PEAK1: variants seen among roughly 807,000 people sequenced by gnomAD.
PEAK1 encodes the protein pseudopodium enriched atypical kinase 1.
In PEAK1, 54 loss-of-function variants were observed where a neutral mutation model predicts 124.7. That is an observed-to-expected ratio of 0.43 (90% CI 0.35 to 0.54). PEAK1 has a LOEUF of 0.54. PEAK1 is among the 20% of genes least tolerant of loss of function. The probability of loss-of-function intolerance (pLI) is 0.01; values close to 1 mark genes in which losing one functional copy is unlikely to be tolerated. For synonymous variants in PEAK1, 719 were observed against 760.0 expected, an observed-to-expected ratio of 0.95 and a Z score of 0.89; for missense variants, 2,046 against 2,134.5, an observed-to-expected ratio of 0.96 and a Z score of 0.82.
chr15:77,291,110 T>C (rs907044589), intron 2 of PEAK1, among the ~76,000 whole-genome samples: 2 of 152,234 alleles, frequency 1.3e-5, no homozygotes, highest in African/African-American at 4.8e-5. Context: ...TGGCTTGTCC[T>C]TGACTTTGTA....
At chr15:77,103,490 C>CT (rs1453416311), downstream of PEAK1, 1 of 152,020 alleles carries the variant, frequency 6.6e-6, no homozygotes, top group Non-Finnish European at 1.5e-5. Flanking sequence ...ACAATAAGAT[C>CT]TAATTTTTGT....
chr15:77,301,054 T>C lies in PEAK1; in HGVS notation c.-602-14550A>G, dbSNP rs192623805. ...TTTTAGTAGAGATGGGGTTTTGCCA[T>C]GTTGTCCAGGCTGGTCTTGAACTGC... On this transcript the variant is annotated intron_variant, in intron 2 of 9. Transcript: ENST00000682557. 3.3e-3 allele frequency among the ~76,000 whole-genome samples: 497 copies of C among 152,274 alleles called. 3 individuals carry two copies. Among genetic ancestry groups the C allele is most frequent in the African/African-American group, 0.011 (467 of 41,550 alleles).
At chr15:77,226,594 T>C (rs928862123) in intron 6 of PEAK1, among the ~76,000 whole-genome samples, 6 of 152,048 alleles carry the variant, frequency 3.9e-5, no homozygotes, top group Non-Finnish European at 8.8e-5. Context: ...AAATAAAAAC[T>C]TGGAGGAAAG....
rs181495619 is a variant in PEAK1 at position 77,284,222 on chromosome 15, C to A, written c.-422-192G>T. On this transcript the variant is annotated intron_variant, in intron 4 of 9. Transcript: ENST00000682557. ...AAAGAGCTTTGAAATGTTTACAGTG[C>A]CATACAAATGCGAAGGTCTCAGTCT... is the stretch of plus-strand genomic sequence containing the variant. Among the ~76,000 whole-genome samples the A allele has an allele frequency of 5.6e-3, 856 of 152,260 alleles. 4 individuals are homozygous for A. Among genetic ancestry groups the A allele is most frequent in the Non-Finnish European group, 8.0e-3 (544 of 68,012 alleles).
intron 1 of PEAK1, among the ~76,000 whole-genome samples, chr15:77,389,993 G>A (rs77482541): frequency 0.017 from 2,639 of 152,212 alleles, 68 homozygotes; most frequent in African/African-American, 0.058. Context: ...TACATGCCAC[G>A]TACTATGTTA....
At chr15:77,301,471 A>G (rs1441477396) in intron 2 of PEAK1, among the ~76,000 whole-genome samples, 2 of 152,136 alleles carry the variant, frequency 1.3e-5, no homozygotes, top group Non-Finnish European at 2.9e-5. Flanking sequence ...CTCTTAGGGG[A>G]GCGGGGATCA....
At chr15:77,335,943 T>C in intron 2 of PEAK1, 1 of 985,446 alleles carries the variant, frequency 1.0e-6, no homozygotes. Flanking sequence ...TATCTCTTTC[T>C]GGGAAATCTT....
chr15:77,280,647 T>A (rs928686168), intron 5 of PEAK1, among the ~76,000 whole-genome samples: 2 of 152,046 alleles, frequency 1.3e-5, no homozygotes, highest in Admixed American at 6.6e-5. Flanking sequence ...ATTTTAGAAT[T>A]AACAAGGAAC....
intron 9 of PEAK1, among the ~76,000 whole-genome samples, chr15:77,132,118 T>C (rs1005429847): frequency 7.9e-5 from 12 of 152,024 alleles, no homozygotes; most frequent in Admixed American, 5.9e-4. Context: ...TCTCACTTTG[T>C]TGCCCAGGCT....
At chr15:77,254,890 T>C (rs1457715810) in intron 5 of PEAK1, among the ~76,000 whole-genome samples, 1 of 152,138 alleles carries the variant, frequency 6.6e-6, no homozygotes, top group Admixed American at 6.6e-5. Flanking sequence ...TACAGAAACA[T>C]GGACAAATAA....
At chr15:77,246,232 C>T (rs1228897477) in intron 6 of PEAK1, among the ~76,000 whole-genome samples, 1 of 152,160 alleles carries the variant, frequency 6.6e-6, no homozygotes, top group Non-Finnish European at 1.5e-5. Context: ...TGGTCTTGAT[C>T]TCTTGACCTC....
chr15:77,201,922 C>A (rs1211010690), intron 6 of PEAK1, among the ~76,000 whole-genome samples: 1 of 152,184 alleles, frequency 6.6e-6, no homozygotes, highest in Non-Finnish European at 1.5e-5. Flanking sequence ...CCAACCCTAA[C>A]TGTGTTAGAT....
rs372755283 is a variant in PEAK1, at chr15:77,183,644, C to CA, written c.-114-1605dup. ...TTTGCCTTTTATCAAAAACATTTGC[C>CA]AAAAAAAAAATGACAAGAGAATGAA... On this transcript the variant is annotated intron_variant, in intron 6 of 9. Coordinates refer to ENST00000682557, the MANE Select transcript of PEAK1 (RefSeq NM_001385026.1). 8.4e-3 allele frequency among the ~76,000 whole-genome samples: 1,181 copies of CA among 141,136 alleles called. 15 individuals carry two copies. Among genetic ancestry groups the CA allele is most frequent in the African/African-American group, 0.028 (1,074 of 38,458 alleles). 92.6% of individuals were successfully genotyped at this position (141,136 alleles called of 152,430 possible).
chr15:77,135,211 T>C (rs907374786), intron 8 of PEAK1, among the ~76,000 whole-genome samples: 1 of 152,212 alleles, frequency 6.6e-6, no homozygotes, highest in Non-Finnish European at 1.5e-5. Flanking sequence ...AACTCATACA[T>C]TCTCCTACTA....
chr15:77,225,663 A>AT (rs56047702), intron 6 of PEAK1, among the ~76,000 whole-genome samples: 25 of 38,958 alleles, frequency 6.4e-4, no homozygotes, highest in South Asian at 2.4e-3. Context: ...GTGTGTGTAT[A>AT]ATTTATATAT....
chr15:77,300,136 C>T (rs1371197094), intron 2 of PEAK1, among the ~76,000 whole-genome samples: 2 of 152,206 alleles, frequency 1.3e-5, no homozygotes, highest in Non-Finnish European at 2.9e-5. Context: ...CCTACACCTT[C>T]CTGGGCCCTG....
Position 77,257,661 on chromosome 15 carries a change from C to G in PEAK1, c.-274-5135G>C, listed in dbSNP as rs530339545. On this transcript the variant is annotated intron_variant, in intron 5 of 9. Transcript: ENST00000682557. Reference sequence around the variant, plus strand: ...CAGATGAGTAGGTTGCAAAAATTCTCTCCCATTTTGTAGGTTGCCTGTTCA... The same window carrying G: ...CAGATGAGTAGGTTGCAAAAATTCTGTCCCATTTTGTAGGTTGCCTGTTCA... 4.3e-3 allele frequency among the ~76,000 whole-genome samples: 649 copies of G among 151,638 alleles called. 3 individuals carry two copies. The highest frequency in any genetic ancestry group is 0.013 in the African/African-American group (554 of 41,298).
intron 5 of PEAK1, among the ~76,000 whole-genome samples, chr15:77,260,720 G>A (rs2061395428): frequency 6.6e-6 from 1 of 152,230 alleles, no homozygotes; most frequent in African/African-American, 2.4e-5. Context: ...CCCAGCGTGA[G>A]CGACACAGAA....
chr15:77,416,651 C>T (rs1245323857), intron 1 of PEAK1, among the ~76,000 whole-genome samples: 5 of 152,122 alleles, frequency 3.3e-5, no homozygotes, highest in South Asian at 2.1e-4. Flanking sequence ...TTCATCCACC[C>T]CTGTTCTAAA....
Sources: gnomAD v4.1 joint callset for allele counts (sites outside exome capture counted in the v4.1 genomes callset) on GRCh38, gnomAD v4.1.1 for gene constraint, MANE v1.5 for transcripts, NCBI Gene and HGNC (gene_info 2026-07-23, HGNC 2026-07-21) for gene names.